The following GTF2F1 variants were observed in gnomAD, a reference collection of about 807,000 sequenced individuals.
GTF2F1 encodes the protein general transcription factor IIF 74 kDa subunit.
GTF2F1 carries 39 observed loss-of-function variants against 63.5 expected under a neutral mutation model. That is an observed-to-expected ratio of 0.61 (90% CI 0.48 to 0.80). The LOEUF is 0.80. Ranked by LOEUF, GTF2F1 falls within the 30% of genes least tolerant of loss-of-function variation. GTF2F1 has a pLI of 0.00. For missense variants in GTF2F1, 657 were observed against 718.3 expected (o/e 0.91, Z 0.97); for synonymous variants, 287 against 285.3 (o/e 1.01, Z -0.06).
At chr19:6,387,649 G>T in intron 4 of GTF2F1, 90 bp from the exon 5 acceptor site, 2 of 1,053,992 alleles carry the variant, frequency 1.9e-6, no homozygotes, top group Non-Finnish European at 2.8e-6. Context: ...TATGGCACTT[G>T]CCATAGGAGG....
chr19:6,392,783 GC>G, intron 2 of GTF2F1, 73 bp downstream of exon 2: 1 of 1,441,162 alleles, frequency 6.9e-7, no homozygotes, highest in African/African-American at 1.4e-5. Context: ...GCCAGAAATG[GC>G]TGGCTAAGAA....
intron 2 of GTF2F1, chr19:6,392,448 T>C: frequency 2.0e-6 from 1 of 500,836 alleles, no homozygotes; most frequent in Non-Finnish European, 3.9e-6. Flanking sequence ...TTTTGCAGAA[T>C]CATCAAGAAT....
chr19:6,390,852 C>G (rs571550565), intron 3 of GTF2F1, among the ~76,000 whole-genome samples: 53 of 151,892 alleles, frequency 3.5e-4, no homozygotes, highest in Non-Finnish European at 1.3e-4. Context: ...TGCACTCCAG[C>G]CTGGATGACA....
Position 6,380,894 on chromosome 19 carries a change from G to A in GTF2F1, c.1231+10C>T, listed in dbSNP as rs761714995. On this transcript the variant is annotated intron_variant, in intron 11 of 12. Transcript: ENST00000394456. The surrounding 1 kb of genome is among the most constrained non-coding windows in gnomAD (Gnocchi z 5.3). ...TGGCTGTGGGGAGCGGGGAGGCCAC[G>A]GGCACTCACCTTGCTCGAGTTTGCT... 31 of 1,546,568 alleles carry A rather than the reference G, an allele frequency of 2.0e-5. No homozygotes were observed. Among genetic ancestry groups the A allele is most frequent in the East Asian group, 2.3e-5 (1 of 42,764 alleles).
intron 3 of GTF2F1, among the ~76,000 whole-genome samples, chr19:6,391,439 G>GTTTTTTTTTTTTTTTTTTTTTTTTTTTT (rs11340944): frequency 3.4e-5 from 3 of 87,446 alleles, no homozygotes; most frequent in African/African-American, 9.9e-5. Context: ...TGCCATTTCC[G>GTTTTTTTTTTTTTTTTTTTTTTTTTTTT]TTTTTTTTTT....
chr19:6,380,330 G>A lies in GTF2F1; in HGVS notation c.1505C>T (p.Pro502Leu), dbSNP rs1376947131. 6.2e-7 allele frequency: 1 copy of A among 1,614,132 alleles called. No individual in the cohort carries two copies. The highest frequency in any genetic ancestry group is 8.5e-7 in the Non-Finnish European group (1 of 1,180,024). ...TTTGTCGTTGATCATCTTGCGCTCG[G>A]GGTTGAGTCGCTTGAGGATCTGGGC... The part of the protein sequence containing the change: ...VLAQILKRLN[P>L]ERKMINDKMH... Residue 502 changes from proline to leucine, a missense_variant, in exon 13 of 13, where the codon CCC becomes CTC. Pro to Leu is a moderately conservative substitution (Grantham distance 98). Transcript: ENST00000394456. This position sits in a 1 kb window ranked among gnomAD's most constrained non-coding sequence, Gnocchi z 5.3.
chr19:6,385,783 A>G (rs2091971791), intron 5 of GTF2F1, among the ~76,000 whole-genome samples: 1 of 152,174 alleles, frequency 6.6e-6, no homozygotes. Context: ...ACCAAAGAAA[A>G]TGATTAAAAA....
chr19:6,392,708 CCTCAGCTTAAT>C, intron 2 of GTF2F1, 138 bp downstream of exon 2: 1 of 776,134 alleles, frequency 1.3e-6, no homozygotes, highest in Non-Finnish European at 2.3e-6. Flanking sequence ...CCCAGAGAAG[CCTCAGCTTAAT>C]CCCAGCCCTG....
chr19:6,389,270 A>C (rs892838571), intron 4 of GTF2F1, among the ~76,000 whole-genome samples, 174 bp downstream of exon 4: 3 of 148,902 alleles, frequency 2.0e-5, no homozygotes, highest in African/African-American at 7.8e-5. Context: ...AGATAACATA[A>C]ATAAATAAAT....
At chr19:6,386,771 G>A in intron 5 of GTF2F1, 1 of 152,426 alleles carries the variant, frequency 6.6e-6, no homozygotes, top group Non-Finnish European at 1.5e-5. Context: ...ACCTTTGGGA[G>A]CCATCGACTC....
At chr19:6,386,747 A>C (rs892099522) in intron 5 of GTF2F1, 2 of 152,226 alleles carry the variant, frequency 1.3e-5, no homozygotes, top group Non-Finnish European at 2.9e-5. Flanking sequence ...CCAGCCGAAA[A>C]AGGTGTTTTT....
At chr19:6,388,389 G>A (rs1049621036) in intron 4 of GTF2F1, among the ~76,000 whole-genome samples, 2 of 152,186 alleles carry the variant, frequency 1.3e-5, no homozygotes, top group Non-Finnish European at 2.9e-5. Context: ...AGCTTTCCAA[G>A]GCTCCGCTGG....
intron 3 of GTF2F1, 38 bp from the exon 4 acceptor site, chr19:6,389,675 G>C: frequency 6.3e-7 from 1 of 1,593,448 alleles, no homozygotes; most frequent in Non-Finnish European, 8.6e-7. Flanking sequence ...AGGGTCCCTG[G>C]CTTTGCTTGC....
In GTF2F1 at chr19:6,380,575, G is replaced by GT; in HGVS notation, c.1346_1347insA (p.Ser449ArgfsTer8). Reference sequence around the variant, plus strand: ...CCCTGCTGTCCTCGTCAACTTACCCGCTGTTGGGTGTTGTCTTGCCTGATG... The same window carrying GT: ...CCCTGCTGTCCTCGTCAACTTACCCGTCTGTTGGGTGTTGTCTTGCCTGATG... On this transcript the variant is annotated frameshift_variant, in exon 12 of 13. Coordinates refer to ENST00000394456, the MANE Select transcript of GTF2F1 (RefSeq NM_002096.3). LOFTEE classifies it high-confidence loss of function. The surrounding 1 kb of genome is among the most constrained non-coding windows in gnomAD (Gnocchi z 5.3). 1 of 1,613,592 alleles carries GT rather than the reference G, an allele frequency of 6.2e-7. No individual in the cohort carries two copies. The highest frequency in any genetic ancestry group is 8.5e-7 in the Non-Finnish European group (1 of 1,179,622).
At chr19:6,392,454 A>G in intron 2 of GTF2F1, 1 of 506,044 alleles carries the variant, frequency 2.0e-6, no homozygotes, top group Middle Eastern at 5.0e-4. Context: ...AGAATCATCA[A>G]GAATTCACCC....
At chr19:6,384,129 G>T (rs2091965564) in intron 5 of GTF2F1, among the ~76,000 whole-genome samples, 2 of 151,020 alleles carry the variant, frequency 1.3e-5, no homozygotes, top group African/African-American at 4.8e-5. Context: ...ATTTATAGAT[G>T]TATTTTTCTT....
rs752682921 is a variant in GTF2F1 at position 6,389,430 on chromosome 19, G to A, written c.326+14C>T. ...TGGTCACTAAGCCGGCACCGCCACC[G>A]CCCCACCACTTACTTCCTGCCTGAT... On this transcript the variant is annotated intron_variant, in intron 4 of 12. Coordinates refer to ENST00000394456, the MANE Select transcript of GTF2F1 (RefSeq NM_002096.3). 1.4e-5 allele frequency: 23 copies of A among 1,610,310 alleles called. No homozygotes were observed. In the East Asian group the frequency reaches 2.2e-4, roughly 16 times the overall value.
chr19:6,384,374 G>A (rs1350295248), intron 5 of GTF2F1, among the ~76,000 whole-genome samples: 1 of 151,920 alleles, frequency 6.6e-6, no homozygotes, highest in Non-Finnish European at 1.5e-5. Context: ...CGGGCGTGGT[G>A]GCATGTGCCT....
chr19:6,381,297 G>A lies in GTF2F1; in HGVS notation c.1018+62C>T. The stretch of plus-strand genomic sequence containing the variant: ...AGGGAGGCCTGCAGGGGAGAGGGGA[G>A]GAGGTGGCAGGGCGCCAGGGCCCGA... On this transcript the variant is annotated intron_variant, in intron 9 of 12. Transcript: ENST00000394456. This position sits in a 1 kb window ranked among gnomAD's most constrained non-coding sequence, Gnocchi z 4.1. The A allele has an allele frequency of 2.6e-6, 4 of 1,544,338 alleles. No individual in the cohort carries two copies. The South Asian group carries it at 3.6e-5, about 14-fold the overall frequency.
Sources: allele counts gnomAD v4.1 joint callset (sites outside exome capture counted in the v4.1 genomes callset), GRCh38; gene constraint gnomAD v4.1.1; non-coding constraint Gnocchi (gnomAD v3.1); transcripts MANE v1.5; gene names NCBI Gene and HGNC (gene_info 2026-07-23, HGNC 2026-07-21).